The following ZNF280C variants were observed in gnomAD, a reference collection of about 807,000 sequenced individuals.
ZNF280C encodes the protein zinc finger protein 280C.
In ZNF280C, 14 loss-of-function variants were observed where a neutral mutation model predicts 53.6. The observed-to-expected ratio is 0.26, with a 90% CI of 0.17 to 0.41. The LOEUF is 0.41. Ranked by LOEUF, ZNF280C falls within the 10% of genes least tolerant of loss-of-function variation. The pLI is 1.00. For missense variants in ZNF280C, 416 were observed against 547.1 expected (o/e 0.76, Z 2.39); for synonymous variants, 203 against 181.1 (o/e 1.12, Z -0.97).
In ZNF280C at chrX:130,215,762, T is replaced by A. The variant is rs757152274; in HGVS notation, c.1838+29A>T. On this transcript the variant is annotated intron_variant, in intron 14 of 18. Coordinates refer to ENST00000370978, the MANE Select transcript of ZNF280C (RefSeq NM_017666.5). ...AATTATATACATAAGATTAAATTTG[T>A]ATTGTATATCAGGAATAAAAGATAT... 4.5e-6 allele frequency: 5 copies of A among 1,119,954 alleles called. No individual in the cohort carries two copies. In the East Asian group the frequency reaches 1.5e-4, roughly 34 times the overall value. The allele number at this position is 1,119,954 out of a possible 1,213,427, so 92.3% of individuals were successfully genotyped here.
chrX:130,220,472 T>A lies in ZNF280C; in HGVS notation c.1404A>T (p.Gly468=), dbSNP rs1289539105. 8.4e-7 allele frequency: 1 copy of A among 1,192,452 alleles called. No individual in the cohort carries two copies. The highest frequency in any genetic ancestry group is 3.0e-5 in the East Asian group (1 of 33,496). The change falls in exon 13 of 19, where the codon GGA becomes GGT. Residue 468 remains glycine, a synonymous_variant. Coordinates refer to ENST00000370978, the MANE Select transcript of ZNF280C (RefSeq NM_017666.5). ...MNHYMKHQKK[G]VHRCPKCRLQ... ...GTCTGCATTTTGGGCAACGATGAAC[T>A]CCTTTTTTCTGTTTACAGAAAATAT... is the stretch of plus-strand genomic sequence containing the variant.
At chrX:130,229,809 T>C (rs771007971) in intron 9 of ZNF280C, among the ~76,000 whole-genome samples, 1 of 112,295 alleles carries the variant, frequency 8.9e-6, no homozygotes, top group South Asian at 3.7e-4. Flanking sequence ...GAAGGAACTA[T>C]GATGTTCAAT....
rs767102114 is a variant in ZNF280C, at chrX:130,239,651, T to C, written c.424A>G (p.Ile142Val). The C allele has an allele frequency of 8.5e-5, 102 of 1,199,021 alleles. No individual in the cohort carries two copies. The highest frequency in any genetic ancestry group is 1.0e-4 in the Non-Finnish European group (92 of 886,404). ...TCCTGGGTCGAGTCAAACAGTAAAA[T>C]TGAAGAATTATCCGATCCAACTTGT... ...NSQVGSDNSS[I>V]LLFDSTQESL... Residue 142 changes from isoleucine (I) to valine (V), a missense_variant, in exon 6 of 19, where the codon ATT (isoleucine) becomes GTT (valine). Ile to Val is a conservative substitution (Grantham distance 29). Coordinates refer to ENST00000370978, the MANE Select transcript of ZNF280C (RefSeq NM_017666.5).
chrX:130,232,742 T>C (rs903724640), intron 8 of ZNF280C, among the ~76,000 whole-genome samples: 3 of 111,955 alleles, frequency 2.7e-5, no homozygotes, highest in African/African-American at 6.5e-5. Context: ...GATGGGAATG[T>C]TATTGGTGCA....
At chrX:130,246,768 G>C (rs2032454702) in intron 3 of ZNF280C, 91 bp downstream of exon 3, 4 of 1,050,180 alleles carry the variant, frequency 3.8e-6, no homozygotes, top group Non-Finnish European at 5.2e-6. Context: ...CCTTACAGAA[G>C]AACAACAGTA....
chrX:130,256,132 C>CA (rs200107686), intron 2 of ZNF280C, among the ~76,000 whole-genome samples: 52 of 106,830 alleles, frequency 4.9e-4, no homozygotes, highest in African/African-American at 1.2e-3. Context: ...GGCTTATCTC[C>CA]AAAAAAAAAT....
chrX:130,205,875 TAAA>T (rs147621506), intron 16 of ZNF280C, among the ~76,000 whole-genome samples: 5 of 85,603 alleles, frequency 5.8e-5, no homozygotes, highest in African/African-American at 4.3e-5. Context: ...GAGACTATGT[TAAA>T]AAAAAAAAAA....
chrX:130,230,798 T>C, intron 8 of ZNF280C, 71 bp from the exon 9 acceptor site: 1 of 709,790 alleles, frequency 1.4e-6, no homozygotes. Context: ...AATGATTGTG[T>C]TTACATCTAA....
At chrX:130,236,980 TAAATA>T (rs1363220363) in intron 6 of ZNF280C, among the ~76,000 whole-genome samples, 1 of 111,215 alleles carries the variant, frequency 9.0e-6, no homozygotes, top group Non-Finnish European at 1.9e-5. Context: ...AATTCCAAGC[TAAATA>T]AAATAAATAA....
At chrX:130,206,138 T>C (rs188614298) in intron 16 of ZNF280C, among the ~76,000 whole-genome samples, 112 of 110,800 alleles carry the variant, frequency 1.0e-3, no homozygotes, top group South Asian at 2.2e-3. Context: ...CTAGGTATTG[T>C]AGATATAACA....
intron 2 of ZNF280C, among the ~76,000 whole-genome samples, chrX:130,251,043 G>A (rs2032501785): frequency 9.2e-6 from 1 of 109,114 alleles, no homozygotes; most frequent in Non-Finnish European, 1.9e-5. Flanking sequence ...GTTGCAATAA[G>A]GTGAGATCAC....
rs548647035 is a variant in ZNF280C at position 130,203,915 on chromosome X, G to A, written c.*1062C>T. The A allele has an allele frequency of 7.3e-5, 8 of 110,093 alleles. No individual in the cohort carries two copies. In the Admixed American group the frequency reaches 7.8e-4, roughly 11 times the overall value. The allele number at this position is 110,093 out of a possible 1,213,427, so 9.1% of individuals were successfully genotyped here. On this transcript the variant is annotated 3_prime_UTR_variant, in exon 19 of 19. Transcript: ENST00000370978. ...GCTAAACGTCAGCCTGGATGTTGAAGCACTGATCTAAAAACAATATAAAAC... is the reference window on the plus strand; with the variant it reads ...GCTAAACGTCAGCCTGGATGTTGAAACACTGATCTAAAAACAATATAAAAC...
In ZNF280C at chrX:130,203,049, C is replaced by T. The variant is rs1352769169; in HGVS notation, c.*1928G>A. On this transcript the variant is annotated 3_prime_UTR_variant, in exon 19 of 19. Transcript: ENST00000370978. ...TTCTTTATGTCTTTGAAATCAGAAT[C>T]CCTAAGCTAATGTTAATGATAGGCC... 7 of 111,148 alleles carry T rather than the reference C, an allele frequency of 6.3e-5. No homozygotes were observed. Among genetic ancestry groups the T allele is most frequent in the Admixed American group, 1.9e-4 (2 of 10,344 alleles). The allele number at this position is 111,148 out of a possible 1,213,427, so 9.2% of individuals were successfully genotyped here.
At chrX:130,266,405 G>A (rs1395504453) in intron 1 of ZNF280C, among the ~76,000 whole-genome samples, 1 of 111,346 alleles carries the variant, frequency 9.0e-6, no homozygotes, top group Non-Finnish European at 1.9e-5. Flanking sequence ...TAGATGGGAG[G>A]AATAAGTTTT....
intron 2 of ZNF280C, among the ~76,000 whole-genome samples, chrX:130,253,086 C>T (rs897545592): frequency 2.7e-5 from 3 of 111,870 alleles, no homozygotes; most frequent in Admixed American, 9.5e-5. Flanking sequence ...TACAAATCAA[C>T]GTACAAAAAT....
At chrX:130,257,138 T>C (rs1420903493) in intron 2 of ZNF280C, among the ~76,000 whole-genome samples, 3 of 87,478 alleles carry the variant, frequency 3.4e-5, no homozygotes, top group African/African-American at 9.0e-5. Flanking sequence ...GAGGCAGAGC[T>C]TGCAGTGAGC....
At chrX:130,231,209 G>A (rs1469486922) in intron 8 of ZNF280C, among the ~76,000 whole-genome samples, 2 of 111,228 alleles carry the variant, frequency 1.8e-5, no homozygotes, top group Non-Finnish European at 3.8e-5. Context: ...TCATCACTGG[G>A]TATATACTCA....
chrX:130,251,104 AAAT>A (rs201895158), intron 2 of ZNF280C, among the ~76,000 whole-genome samples: 2 of 106,163 alleles, frequency 1.9e-5, no homozygotes, highest in African/African-American at 3.5e-5. Flanking sequence ...CAAAAAAATA[AAAT>A]AATAATAATA....
chrX:130,209,929 T>C (rs887582395), intron 15 of ZNF280C, among the ~76,000 whole-genome samples: 1 of 111,413 alleles, frequency 9.0e-6, no homozygotes, highest in Non-Finnish European at 1.9e-5. Context: ...GTGATGGCAT[T>C]AAGAGGTGGG....
Sources: gnomAD v4.1 joint callset for allele counts (sites outside exome capture counted in the v4.1 genomes callset) on GRCh38, gnomAD v4.1.1 for gene constraint, MANE v1.5 for transcripts, NCBI Gene and HGNC (gene_info 2026-07-23, HGNC 2026-07-21) for gene names.